PCLO: variants seen among roughly 807,000 people sequenced by gnomAD.
The protein encoded by PCLO is protein piccolo.
A neutral mutation model predicts 427.5 loss-of-function variants in PCLO; 82 were observed. That is an observed-to-expected ratio of 0.19 (90% confidence interval 0.16 to 0.23). The LOEUF (loss-of-function observed/expected upper bound fraction) is 0.23, where lower values mean the gene tolerates loss of function less well. Among genes scored for constraint, PCLO ranks in the 10% least tolerant of loss-of-function variants. The probability of loss-of-function intolerance (pLI) is 1.00; values close to 1 mark genes in which losing one functional copy is unlikely to be tolerated. For synonymous variants in PCLO, 2,357 were observed against 2,155.4 expected (o/e 1.09, Z -2.59); for missense variants, 6,239 against 6,115.9 (o/e 1.02, Z -0.67).
chr7:82,773,644 C>T (rs544629001), intron 22 of PCLO, among the ~76,000 whole-genome samples: 1 of 152,168 alleles, frequency 6.6e-6, no homozygotes, highest in Admixed American at 6.5e-5. Context: ...CTTTACCTCC[C>T]TTCCTTAACT....
chr7:82,767,282 C>T lies in PCLO; in HGVS notation c.15008-5789G>A, dbSNP rs1002829541. 5.9e-5 allele frequency among the ~76,000 whole-genome samples: 9 copies of T among 152,046 alleles called. No homozygotes were observed. The South Asian group carries it at 1.0e-3, about 18-fold the overall frequency. ...GTCCTGAAACTTATGCTTCTTTGGT[C>T]GTATTAAAAGAATAAAAATTAATCC... is the stretch of plus-strand genomic sequence containing the variant. On this transcript the variant is annotated intron_variant, in intron 22 of 24. Transcript: ENST00000333891.
intron 10 of PCLO, among the ~76,000 whole-genome samples, chr7:82,870,705 T>C (rs1400806587): frequency 1.3e-5 from 2 of 151,938 alleles, no homozygotes; most frequent in African/African-American, 4.8e-5. Flanking sequence ...AAGGGATGAA[T>C]AGGTAGAATG....
At chr7:83,122,867 AAG>A (rs1241534030) in intron 3 of PCLO, among the ~76,000 whole-genome samples, 2 of 152,184 alleles carry the variant, frequency 1.3e-5, no homozygotes, top group Non-Finnish European at 2.9e-5. Context: ...CAAAATAAGA[AAG>A]TAACTTTTTT....
intron 2 of PCLO, among the ~76,000 whole-genome samples, chr7:83,136,220 C>T (rs1292589620): frequency 1.3e-5 from 2 of 151,792 alleles, no homozygotes; most frequent in African/African-American, 4.8e-5. Flanking sequence ...TTATTCTTTG[C>T]CTTTGATTTA....
At chr7:83,091,141 G>T (rs1351263075) in intron 3 of PCLO, among the ~76,000 whole-genome samples, 1 of 151,964 alleles carries the variant, frequency 6.6e-6, no homozygotes, top group Non-Finnish European at 1.5e-5. Context: ...AAGAATTCAA[G>T]AATATGTGTG....
At chr7:82,960,089 AT>A (rs1268947412) in intron 4 of PCLO, among the ~76,000 whole-genome samples, 2 of 152,234 alleles carry the variant, frequency 1.3e-5, no homozygotes, top group Non-Finnish European at 2.9e-5. Flanking sequence ...TTTTTTGAAT[AT>A]TGTTAAAGAA....
At chr7:83,126,827 G>A (rs1409344068) in intron 3 of PCLO, among the ~76,000 whole-genome samples, 2 of 151,936 alleles carry the variant, frequency 1.3e-5, no homozygotes, top group Non-Finnish European at 2.9e-5. Context: ...AAAATAGGCA[G>A]GGAAAGTTAA....
chr7:82,825,420 T>C (rs1426370898), intron 18 of PCLO, among the ~76,000 whole-genome samples: 1 of 152,018 alleles, frequency 6.6e-6, no homozygotes, highest in Non-Finnish European at 1.5e-5. Flanking sequence ...TGGATGGAAC[T>C]GGAAGGTAAG....
chr7:82,780,541 T>G (rs73706707), intron 22 of PCLO, among the ~76,000 whole-genome samples: 1,775 of 150,428 alleles, frequency 0.012, 44 homozygotes, highest in African/African-American at 0.041. Context: ...TTTTGTTTGT[T>G]TTTGTTTGTT....
chr7:82,821,945 TTA>T (rs1584010863), intron 20 of PCLO: 2 of 985,508 alleles, frequency 2.0e-6, no homozygotes, highest in East Asian at 2.3e-4. Context: ...GCAAAATTTG[TTA>T]GTGTTTTAAA....
At chr7:82,828,924 C>T (rs1165636417) in intron 16 of PCLO, among the ~76,000 whole-genome samples, 1 of 152,118 alleles carries the variant, frequency 6.6e-6, no homozygotes, top group Non-Finnish European at 1.5e-5. Flanking sequence ...GTCTGGGGGT[C>T]TTGACATGTG....
chr7:83,067,574 C>A (rs1025043709), intron 3 of PCLO, among the ~76,000 whole-genome samples: 1 of 152,168 alleles, frequency 6.6e-6, no homozygotes, highest in Non-Finnish European at 1.5e-5. Flanking sequence ...TGAACACCCT[C>A]AGTCCAGGGG....
rs376523106 is a variant in PCLO at position 82,955,698 on chromosome 7, C to T, written c.5255G>A (p.Ser1752Asn). Residue 1752 changes from serine (S) to asparagine (N), a missense_variant, in exon 5 of 25, where the codon AGC becomes AAC. Ser to Asn is a conservative substitution (Grantham distance 46). This residue lies in a region of PCLO where 4,677 missense variants were observed against 4,468.4 expected (regional missense o/e 1.05). Transcript: ENST00000333891. ...DSSPSHKKGE[S>N]KQQRKARHRP... ...GTGCCGAGCTTTGCGTTGCTGTTTG[C>T]TCTCTCCTTTTTTGTGACTCGGGCT... The T allele has an allele frequency of 6.2e-7, 1 of 1,613,886 alleles. No individual in the cohort carries two copies. The highest frequency in any genetic ancestry group is 8.5e-7 in the Non-Finnish European group (1 of 1,179,872).
intron 10 of PCLO, among the ~76,000 whole-genome samples, chr7:82,849,177 C>T (rs1401950527): frequency 6.6e-6 from 1 of 152,060 alleles, no homozygotes; most frequent in African/African-American, 2.4e-5. Flanking sequence ...GTTGAATTTA[C>T]CTGTTCATTC....
rs1345031672 is a variant in PCLO at position 83,130,359 on chromosome 7, T to C, written c.3300+3891A>G. Reference sequence around the variant, plus strand: ...CATGCCGGCTTTCTCATATTTCTAGTAGAGACAGGATTTTGCCGTGTTGGC... The same window carrying C: ...CATGCCGGCTTTCTCATATTTCTAGCAGAGACAGGATTTTGCCGTGTTGGC... On this transcript the variant is annotated intron_variant, in intron 3 of 24. Transcript: ENST00000333891. Among the ~76,000 whole-genome samples, 12 of 152,300 alleles carry C rather than the reference T, an allele frequency of 7.9e-5. No individual in the cohort carries two copies. The East Asian group carries it at 2.1e-3, about 27-fold the overall frequency.
intron 2 of PCLO, among the ~76,000 whole-genome samples, chr7:83,152,311 G>T (rs896392179): frequency 2.0e-5 from 3 of 152,036 alleles, no homozygotes; most frequent in Non-Finnish European, 4.4e-5. Context: ...CTTTTTATGT[G>T]CAACTTGTAT....
At chr7:82,800,865 G>A (rs1304705348) in intron 22 of PCLO, among the ~76,000 whole-genome samples, 2 of 151,924 alleles carry the variant, frequency 1.3e-5, no homozygotes, top group Non-Finnish European at 2.9e-5. Context: ...GATTTCAGGC[G>A]TGAGCCACCG....
rs142172268 is a variant in PCLO, at chr7:83,121,655, A to G, written c.3300+12595T>C. On this transcript the variant is annotated intron_variant, in intron 3 of 24. Transcript: ENST00000333891. ...TCACTTCACCTATAAAGACACACAT[A>G]GACTGAAAATAAATGGATGGAAAAA... Among the ~76,000 whole-genome samples, 3 of 147,412 alleles carry G rather than the reference A, an allele frequency of 2.0e-5. No individual in the cohort carries two copies. The East Asian group carries it at 6.2e-4, about 31-fold the overall frequency.
chr7:82,864,464 T>C (rs994047781), intron 10 of PCLO, among the ~76,000 whole-genome samples: 4 of 152,152 alleles, frequency 2.6e-5, no homozygotes, highest in African/African-American at 9.7e-5. Flanking sequence ...TGGAATGTGT[T>C]GTGGAAGGCT....
Sources: gnomAD v4.1 joint callset for allele counts (sites outside exome capture counted in the v4.1 genomes callset) on GRCh38, gnomAD v4.1.1 for gene constraint, gnomAD v4.1.1 regional missense constraint, MANE v1.5 for transcripts, NCBI Gene and HGNC (gene_info 2026-07-23, HGNC 2026-07-21) for gene names.